Variants in NR6A1 observed in about 807,000 individuals in gnomAD.
NR6A1 encodes nuclear receptor subfamily 6 group A member 1.
NR6A1 carries 7 observed loss-of-function variants against 59.1 expected under a neutral mutation model. The observed-to-expected ratio is 0.12, with a 90% confidence interval of 0.07 to 0.22. NR6A1 has a LOEUF of 0.22. Ranked by LOEUF, NR6A1 falls within the 10% of genes least tolerant of loss-of-function variation. NR6A1 has a pLI of 1.00. For missense variants in NR6A1, 468 were observed against 611.6 expected (o/e 0.77, Z 2.48); for synonymous variants, 243 against 236.1 (o/e 1.03, Z -0.27).
At position 124,536,057 on chromosome 9, in the gene NR6A1, G is replaced by C; in HGVS notation, c.900C>G (p.Ala300=). Residue 300 remains alanine, a synonymous_variant, in exon 7 of 10, where the codon GCC becomes GCG. Transcript: ENST00000487099. ...LADELLFRQI[A]WIKKLPFFCE... is the part of the protein sequence containing the mutation. ...AGAAGAAAGGCAGTTTCTTGATCCA[G>C]GCAATCTGCCTAAAGAGCAGCTCGT... 2 of 1,614,214 alleles carry C rather than the reference G, an allele frequency of 1.2e-6. No homozygotes were observed. Among genetic ancestry groups the C allele is most frequent in the Non-Finnish European group, 1.7e-6 (2 of 1,180,042 alleles).
intron 2 of NR6A1, among the ~76,000 whole-genome samples, chr9:124,703,488 G>A (rs941949087): frequency 2.6e-5 from 4 of 151,566 alleles, no homozygotes; most frequent in Non-Finnish European, 4.4e-5. Context: ...TATTACCAGC[G>A]TGAGCCACTG....
At chr9:124,563,845 G>T (rs888586926) in intron 2 of NR6A1, among the ~76,000 whole-genome samples, 2 of 152,178 alleles carry the variant, frequency 1.3e-5, no homozygotes, top group African/African-American at 4.8e-5. Flanking sequence ...TCAGGCTGGG[G>T]TGGGAGAATC....
chr9:124,642,050 T>C (rs1411860840), intron 2 of NR6A1, among the ~76,000 whole-genome samples: 1 of 151,160 alleles, frequency 6.6e-6, no homozygotes, highest in East Asian at 1.9e-4. Context: ...GTGTGCTTCT[T>C]TTTTTTTTCT....
intron 2 of NR6A1, among the ~76,000 whole-genome samples, chr9:124,568,782 T>C (rs1834350057): frequency 6.6e-6 from 1 of 151,434 alleles, no homozygotes; most frequent in South Asian, 2.1e-4. Context: ...CCTGTGAAGG[T>C]GGGGGAAGAG....
rs551164182 is a variant in NR6A1, at chr9:124,564,753, A to C, written c.143-10183T>G. 6.1e-4 allele frequency among the ~76,000 whole-genome samples: 93 copies of C among 152,084 alleles called. 1 individual carries two copies. The South Asian group carries it at 0.018, about 30-fold the overall frequency. ...TTCTGAAATGTATACGGAAATGCAA[A>C]AGAACAAAACTAGTACAGACACTTG... On this transcript the variant is annotated intron_variant, in intron 2 of 9. Transcript: ENST00000487099.
chr9:124,613,842 A>G (rs1360581404), intron 2 of NR6A1, among the ~76,000 whole-genome samples: 2 of 152,200 alleles, frequency 1.3e-5, no homozygotes, highest in Non-Finnish European at 2.9e-5. Context: ...CATATATTTA[A>G]AAGTATATAA....
At chr9:124,677,810 T>C (rs1252336447) in intron 2 of NR6A1, among the ~76,000 whole-genome samples, 1 of 152,148 alleles carries the variant, frequency 6.6e-6, no homozygotes, top group Non-Finnish European at 1.5e-5. Context: ...GTTTTCTTTA[T>C]AGTTTGCCAA....
intron 1 of NR6A1, among the ~76,000 whole-genome samples, chr9:124,750,660 T>C (rs2131171679): frequency 6.6e-6 from 1 of 151,974 alleles, no homozygotes; most frequent in Middle Eastern, 3.4e-3. Context: ...CTCGGGAGGC[T>C]GAGGCAGGAG....
intron 1 of NR6A1, among the ~76,000 whole-genome samples, chr9:124,769,716 G>C (rs1051052786): frequency 1.3e-5 from 2 of 152,196 alleles, no homozygotes; most frequent in Non-Finnish European, 2.9e-5. Flanking sequence ...CCTTTATTCG[G>C]AAATGAGGAG....
intron 2 of NR6A1, among the ~76,000 whole-genome samples, chr9:124,672,439 A>G (rs901806396): frequency 1.3e-5 from 2 of 152,098 alleles, no homozygotes; most frequent in African/African-American, 2.4e-5. Flanking sequence ...ACATAGTGAA[A>G]TCCCGTCTCT....
At chr9:124,534,921 G>A (rs1312921156) in intron 7 of NR6A1, among the ~76,000 whole-genome samples, 3 of 151,876 alleles carry the variant, frequency 2.0e-5, no homozygotes, top group Non-Finnish European at 2.9e-5. Flanking sequence ...TCGGGAGGCC[G>A]AGACTATCCT....
chr9:124,579,413 T>A (rs780956199), intron 2 of NR6A1, among the ~76,000 whole-genome samples: 1 of 152,152 alleles, frequency 6.6e-6, no homozygotes, highest in Non-Finnish European at 1.5e-5. Flanking sequence ...TAGCCAAGTG[T>A]GGTGGCATGT....
intron 2 of NR6A1, among the ~76,000 whole-genome samples, chr9:124,718,696 A>G (rs1839474384): frequency 1.3e-5 from 2 of 151,718 alleles, no homozygotes; most frequent in Admixed American, 1.3e-4. Flanking sequence ...TTAAAATTGG[A>G]TCACCTTCCA....
chr9:124,599,345 G>A (rs1163641433), intron 2 of NR6A1: 1 of 359,434 alleles, frequency 2.8e-6, no homozygotes, highest in East Asian at 7.6e-5. Flanking sequence ...CTTGAACCCG[G>A]GAGGCGGAGG....
rs201183109 is a variant in NR6A1 at position 124,526,906 on chromosome 9, G to A, written c.1080-6C>T. The A allele has an allele frequency of 6.0e-4, 964 of 1,613,646 alleles. No individual in the cohort carries two copies. The highest frequency in any genetic ancestry group is 8.6e-4 in the South Asian group (78 of 91,048). On this transcript the variant is annotated splice_polypyrimidine_tract_variant and splice_region_variant and intron_variant, in intron 7 of 9. Transcript: ENST00000487099. ...CCATCCCTTCATCACTAAATCTGAG[G>A]AACAGACACAGGTGTTAACAGTTGG...
chr9:124,618,888 G>T (rs1588713758), intron 2 of NR6A1, among the ~76,000 whole-genome samples: 1 of 152,212 alleles, frequency 6.6e-6, no homozygotes, highest in African/African-American at 2.4e-5. Flanking sequence ...CAGAGTTGAG[G>T]TGGTAGGAGA....
At chr9:124,719,336 T>C (rs756329409) in intron 2 of NR6A1, among the ~76,000 whole-genome samples, 5 of 152,002 alleles carry the variant, frequency 3.3e-5, no homozygotes, top group Admixed American at 6.6e-5. Flanking sequence ...ATCCACAAAG[T>C]GCTGGGATGA....
At chr9:124,720,546 G>A (rs1839533470) in intron 2 of NR6A1, among the ~76,000 whole-genome samples, 1 of 152,126 alleles carries the variant, frequency 6.6e-6, no homozygotes. Flanking sequence ...TACCAACAAA[G>A]CACATTCAAT....
intron 2 of NR6A1, among the ~76,000 whole-genome samples, chr9:124,571,381 A>T (rs1031055579): frequency 6.6e-6 from 1 of 152,142 alleles, no homozygotes; most frequent in African/African-American, 2.4e-5. Context: ...ATTGCAGAGG[A>T]CAGGATATGA....
Sources: allele counts gnomAD v4.1 joint callset (sites outside exome capture counted in the v4.1 genomes callset), GRCh38; gene constraint gnomAD v4.1.1; transcripts MANE v1.5; gene names NCBI Gene and HGNC (gene_info 2026-07-23, HGNC 2026-07-21).